Variants in GPC5 observed in about 807,000 individuals in gnomAD.
GPC5 encodes glypican-5.
Under a neutral mutation model 53.9 loss-of-function variants are expected in GPC5, and 47 were observed. The ratio of observed to expected loss-of-function variants is 0.87; its 90% confidence interval spans 0.69 to 1.11. The LOEUF (loss-of-function observed/expected upper bound fraction) is 1.11. Among genes scored for constraint, GPC5 ranks in the 50% most tolerant of loss-of-function variants. The probability of loss-of-function intolerance (pLI) is 0.00; values close to 1 mark genes in which losing one functional copy is unlikely to be tolerated. For missense variants in GPC5, 748 were observed against 713.1 expected, an observed-to-expected ratio of 1.05 and a Z score of -0.56; for synonymous variants, 286 against 263.3, an observed-to-expected ratio of 1.09 and a Z score of -0.84.
chr13:91,567,722 T>C (rs1852425701), intron 2 of GPC5, among the ~76,000 whole-genome samples: 1 of 152,182 alleles, frequency 6.6e-6, no homozygotes, highest in African/African-American at 2.4e-5. Flanking sequence ...TGGTTTGACC[T>C]TCAGCAGGGG....
intron 7 of GPC5, among the ~76,000 whole-genome samples, chr13:92,342,255 C>T (rs1443357392): frequency 6.6e-6 from 1 of 152,096 alleles, no homozygotes; most frequent in East Asian, 1.9e-4. Context: ...CTTCACTCTA[C>T]CTTCAACAAA....
At chr13:92,322,705 C>A (rs562818339) in intron 7 of GPC5, among the ~76,000 whole-genome samples, 1 of 152,194 alleles carries the variant, frequency 6.6e-6, no homozygotes, top group African/African-American at 2.4e-5. Context: ...AAGCTGAAGT[C>A]CAGTGTGCCT....
chr13:91,541,832 A>T (rs2029951395), intron 2 of GPC5, among the ~76,000 whole-genome samples: 1 of 63,254 alleles, frequency 1.6e-5, no homozygotes, highest in Non-Finnish European at 4.0e-5. Flanking sequence ...TTAATAATAA[A>T]AAAGCAGTGA....
intron 7 of GPC5, among the ~76,000 whole-genome samples, chr13:92,637,303 A>T (rs1193967287): frequency 1.3e-5 from 2 of 152,212 alleles, no homozygotes; most frequent in Non-Finnish European, 2.9e-5. Context: ...AGTAACAGAG[A>T]TCAGAAAACT....
chr13:91,769,205 A>C (rs1291093686), intron 5 of GPC5, among the ~76,000 whole-genome samples: 1 of 152,168 alleles, frequency 6.6e-6, no homozygotes, highest in Non-Finnish European at 1.5e-5. Flanking sequence ...TGGGGACCTT[A>C]GTATCTCCTA....
chr13:92,506,913 T>C (rs1210124092), intron 7 of GPC5, among the ~76,000 whole-genome samples: 1 of 152,220 alleles, frequency 6.6e-6, no homozygotes, highest in African/African-American at 2.4e-5. Flanking sequence ...ATTAGAATTA[T>C]ATACATACAG....
At chr13:92,441,369 T>C (rs1415776079) in intron 7 of GPC5, among the ~76,000 whole-genome samples, 1 of 152,196 alleles carries the variant, frequency 6.6e-6, no homozygotes, top group Admixed American at 6.5e-5. Context: ...GCCTCAATTT[T>C]TGTTTTGGTT....
chr13:92,419,526 T>C (rs915768982), intron 7 of GPC5, among the ~76,000 whole-genome samples: 1 of 152,200 alleles, frequency 6.6e-6, no homozygotes, highest in African/African-American at 2.4e-5. Context: ...TACAGTTTCC[T>C]CAGTGAAGAG....
chr13:92,388,292 T>A (rs970520311), intron 7 of GPC5, among the ~76,000 whole-genome samples: 2 of 152,060 alleles, frequency 1.3e-5, no homozygotes, highest in Non-Finnish European at 2.9e-5. Flanking sequence ...AGAGTGGAAA[T>A]GGATTTCTAT....
At chr13:92,103,592 A>G (rs1410237798) in intron 6 of GPC5, among the ~76,000 whole-genome samples, 1 of 152,112 alleles carries the variant, frequency 6.6e-6, no homozygotes, top group African/African-American at 2.4e-5. Flanking sequence ...GGACCAGAGT[A>G]TTTCCCCTAG....
chr13:91,761,701 G>A (rs931435620), intron 5 of GPC5, among the ~76,000 whole-genome samples: 2 of 152,198 alleles, frequency 1.3e-5, no homozygotes, highest in Non-Finnish European at 2.9e-5. Context: ...GGGGTGATGA[G>A]CTTCCGTGTC....
At chr13:92,612,926 C>A (rs180671005) in intron 7 of GPC5, among the ~76,000 whole-genome samples, 323 of 151,896 alleles carry the variant, frequency 2.1e-3, no homozygotes, top group African/African-American at 7.1e-3. Flanking sequence ...TTTTCAGGAA[C>A]CCTTTTAAAC....
chr13:91,871,466 A>G (rs1413688223), intron 5 of GPC5, among the ~76,000 whole-genome samples: 2 of 152,148 alleles, frequency 1.3e-5, no homozygotes, highest in Non-Finnish European at 2.9e-5. Context: ...ATGTTTATTT[A>G]TGTAACAACC....
At chr13:91,738,914 T>G (rs1371938368) in intron 4 of GPC5, among the ~76,000 whole-genome samples, 1 of 151,394 alleles carries the variant, frequency 6.6e-6, no homozygotes, top group African/African-American at 2.5e-5. Context: ...CTCACACATT[T>G]TATCCTTTCT....
chr13:92,401,045 A>G (rs1335034245), intron 7 of GPC5, among the ~76,000 whole-genome samples: 1 of 152,138 alleles, frequency 6.6e-6, no homozygotes, highest in Admixed American at 6.5e-5. Flanking sequence ...ATAATGTAAA[A>G]TCATGAAATA....
At chr13:92,325,169 G>A (rs532929784) in intron 7 of GPC5, among the ~76,000 whole-genome samples, 1 of 151,292 alleles carries the variant, frequency 6.6e-6, no homozygotes, top group East Asian at 1.9e-4. Flanking sequence ...ACTTAAGCAT[G>A]TTTATACATA....
chr13:91,436,755 T>C (rs922507983), intron 1 of GPC5, among the ~76,000 whole-genome samples: 2 of 152,164 alleles, frequency 1.3e-5, no homozygotes, highest in Admixed American at 6.5e-5. Flanking sequence ...TAACTTTCTG[T>C]GTCGTTGATC....
At chr13:91,688,109 AAACATG>A (rs768575069) in intron 2 of GPC5, among the ~76,000 whole-genome samples, 17 of 152,132 alleles carry the variant, frequency 1.1e-4, no homozygotes, top group Non-Finnish European at 2.5e-4. Context: ...ACTCCTTGGT[AAACATG>A]GTATAAGAAC....
rs893240471 is a variant in GPC5, at chr13:91,997,999, T to C, written c.1401+89942T>C. Among the ~76,000 whole-genome samples the C allele has an allele frequency of 3.9e-5, 6 of 152,254 alleles. No homozygotes were observed. In the South Asian group the frequency reaches 1.0e-3, roughly 26 times the overall value. ...ATTTTCTAAAAGCTTTGTTTTACAC[T>C]CACATTTATTTTTATAGTAGTTTAT... On this transcript the variant is annotated intron_variant, in intron 6 of 7. Coordinates refer to ENST00000377067, the MANE Select transcript of GPC5 (RefSeq NM_004466.6).
Sources: allele counts gnomAD v4.1 joint callset (sites outside exome capture counted in the v4.1 genomes callset), GRCh38; gene constraint gnomAD v4.1.1; transcripts MANE v1.5; gene names NCBI Gene and HGNC (gene_info 2026-07-23, HGNC 2026-07-21).